The following LYPD6B variants were observed in gnomAD, a reference collection of about 807,000 sequenced individuals.
LYPD6B encodes the protein LY6/PLAUR domain containing 6B, also known as ly6/PLAUR domain-containing protein 6B.
In LYPD6B, 17 loss-of-function variants were observed where a neutral mutation model predicts 22.8. The ratio of observed to expected loss-of-function variants is 0.75; its 90% CI spans 0.51 to 1.12. LYPD6B has a LOEUF of 1.12. Ranked by LOEUF, LYPD6B falls within the 50% of genes most tolerant of loss-of-function variation. The pLI, the probability that LYPD6B is intolerant of heterozygous loss-of-function variation, is 0.00. For missense variants in LYPD6B, 221 were observed against 258.3 expected, an observed-to-expected ratio of 0.86 and a Z score of 0.99; for synonymous variants, 106 against 91.6, an observed-to-expected ratio of 1.16 and a Z score of -0.90.
intron 1 of LYPD6B, among the ~76,000 whole-genome samples, chr2:149,055,910 T>A (rs1683767086): frequency 6.6e-6 from 1 of 152,238 alleles, no homozygotes; most frequent in Non-Finnish European, 1.5e-5. Context: ...CACATAGTGC[T>A]GAGAGCAACA....
chr2:149,193,406 A>C (rs180940130), intron 3 of LYPD6B, among the ~76,000 whole-genome samples: 24 of 152,298 alleles, frequency 1.6e-4, no homozygotes, highest in African/African-American at 5.8e-4. Context: ...TATGGTCTGG[A>C]AATCAGTACA....
At chr2:149,088,688 C>T (rs1425324570) in intron 1 of LYPD6B, among the ~76,000 whole-genome samples, 4 of 152,170 alleles carry the variant, frequency 2.6e-5, no homozygotes, top group African/African-American at 7.2e-5. Context: ...CATACAATAA[C>T]ATTCAATGAA....
chr2:149,084,162 A>G (rs1485793934), intron 1 of LYPD6B, among the ~76,000 whole-genome samples: 1 of 152,190 alleles, frequency 6.6e-6, no homozygotes. Flanking sequence ...GTGGGGTGAT[A>G]TTTTGCAAAG....
At chr2:149,100,182 G>A (rs752413228) in intron 1 of LYPD6B, among the ~76,000 whole-genome samples, 9 of 151,942 alleles carry the variant, frequency 5.9e-5, no homozygotes, top group East Asian at 5.8e-4. Context: ...AGTTATCATC[G>A]AACATAGCCC....
intron 3 of LYPD6B, among the ~76,000 whole-genome samples, chr2:149,196,039 C>T (rs1170951050): frequency 1.3e-5 from 2 of 152,110 alleles, no homozygotes; most frequent in Admixed American, 6.6e-5. Flanking sequence ...TGAACCGTAT[C>T]GTGAACCATT....
chr2:149,158,504 A>G (rs2105870213), intron 2 of LYPD6B, among the ~76,000 whole-genome samples: 1 of 152,296 alleles, frequency 6.6e-6, no homozygotes, highest in South Asian at 2.1e-4. Flanking sequence ...AATAGAGGTT[A>G]CCAGGGGCTG....
At chr2:149,123,178 G>C (rs1687483550) in intron 1 of LYPD6B, among the ~76,000 whole-genome samples, 1 of 152,214 alleles carries the variant, frequency 6.6e-6, no homozygotes, top group South Asian at 2.1e-4. Context: ...ATGCCACAGT[G>C]ATCAGTACCA....
chr2:149,110,580 C>T (rs943289610), intron 1 of LYPD6B, among the ~76,000 whole-genome samples: 2 of 152,078 alleles, frequency 1.3e-5, no homozygotes, highest in Non-Finnish European at 2.9e-5. Flanking sequence ...TTTCTGAGTA[C>T]CGTATCATAA....
rs35825610 is a variant in LYPD6B at position 149,172,979 on chromosome 2, C to CATAT, written c.77+12159_77+12162dup. ...TCATAAGCCAATACCTTTTAATAAGCATATATATATATATATATGCGCTTA... is the reference window on the plus strand; with the variant it reads ...TCATAAGCCAATACCTTTTAATAAGCATATATATATATATATATATATGCGCTTA... On this transcript the variant is annotated intron_variant, in intron 3 of 6. Coordinates refer to ENST00000409642, the MANE Select transcript of LYPD6B (RefSeq NM_177964.5). Among the ~76,000 whole-genome samples the CATAT allele has an allele frequency of 5.3e-3, 784 of 148,530 alleles. 10 individuals are homozygous for CATAT. The highest frequency in any genetic ancestry group is 0.019 in the African/African-American group (746 of 40,294).
intron 1 of LYPD6B, among the ~76,000 whole-genome samples, chr2:149,124,182 A>T (rs770196086): frequency 3.5e-4 from 53 of 152,282 alleles, no homozygotes; most frequent in Middle Eastern, 6.8e-3. Context: ...TGTCCTTTTA[A>T]TTCCTCACTG....
chr2:149,120,363 A>ATG (rs1559009894), intron 1 of LYPD6B, among the ~76,000 whole-genome samples: 1 of 42,418 alleles, frequency 2.4e-5, no homozygotes, highest in Non-Finnish European at 3.7e-5. Context: ...GTGTGTGTGT[A>ATG]TATATATATA....
rs553685386 is a variant in LYPD6B, at chr2:149,128,202, C to T, written c.-66-2681C>T. On this transcript the variant is annotated intron_variant, in intron 1 of 6. Transcript: ENST00000409642. ...AAAATCAAGCTTGAGTCTAATATTT[C>T]TTTTTGTACCTAGTCACATCTGTCA... Among the ~76,000 whole-genome samples, 18 of 152,130 alleles carry T rather than the reference C, an allele frequency of 1.2e-4. No individual in the cohort carries two copies. In the East Asian group the frequency reaches 3.3e-3, roughly 28 times the overall value.
intron 2 of LYPD6B, among the ~76,000 whole-genome samples, chr2:149,147,294 A>G (rs1689084513): frequency 6.6e-6 from 1 of 152,164 alleles, no homozygotes; most frequent in Non-Finnish European, 1.5e-5. Flanking sequence ...TCCAACTACT[A>G]ATTTACCTTT....
At chr2:149,110,263 A>T (rs1240194198) in intron 1 of LYPD6B, among the ~76,000 whole-genome samples, 1 of 151,652 alleles carries the variant, frequency 6.6e-6, no homozygotes, top group Non-Finnish European at 1.5e-5. Flanking sequence ...AATAGTTTCA[A>T]TGCCTTTGTC....
chr2:149,193,636 G>A (rs555951844), intron 3 of LYPD6B, among the ~76,000 whole-genome samples: 49 of 152,226 alleles, frequency 3.2e-4, no homozygotes, highest in South Asian at 3.1e-3. Flanking sequence ...CAGTGAGAAG[G>A]TCTGGGACTG....
intron 1 of LYPD6B, among the ~76,000 whole-genome samples, chr2:149,093,894 T>A (rs959220014): frequency 1.3e-5 from 2 of 152,218 alleles, no homozygotes; most frequent in Non-Finnish European, 2.9e-5. Context: ...CGCTTCTTCA[T>A]CTGTAATTCT....
intron 3 of LYPD6B, among the ~76,000 whole-genome samples, chr2:149,191,301 A>G (rs938470784): frequency 6.6e-5 from 10 of 152,292 alleles, no homozygotes; most frequent in African/African-American, 2.4e-4. Flanking sequence ...TAAATAATGT[A>G]AAATTATTTA....
chr2:149,039,134 G>A (rs1481273135), intron 1 of LYPD6B, among the ~76,000 whole-genome samples: 1 of 152,182 alleles, frequency 6.6e-6, no homozygotes, highest in Non-Finnish European at 1.5e-5. Context: ...AGAGCCGAGG[G>A]GAGAGGAGAT....
intron 3 of LYPD6B, among the ~76,000 whole-genome samples, chr2:149,165,958 T>C (rs985676865): frequency 2.0e-5 from 3 of 152,164 alleles, no homozygotes; most frequent in African/African-American, 7.2e-5. Context: ...CCTAATTAGA[T>C]GTAATAAAGA....
Sources: gnomAD v4.1 joint callset for allele counts (sites outside exome capture counted in the v4.1 genomes callset) on GRCh38, gnomAD v4.1.1 for gene constraint, MANE v1.5 for transcripts, NCBI Gene and HGNC (gene_info 2026-07-23, HGNC 2026-07-21) for gene names.